Variants in SEPTIN14 observed in about 807,000 individuals in gnomAD.
SEPTIN14 encodes septin-14.
A neutral mutation model predicts 53.6 loss-of-function variants in SEPTIN14; 40 were observed. That is an observed-to-expected ratio of 0.75 (90% confidence interval 0.58 to 0.97). SEPTIN14 has a LOEUF of 0.97. SEPTIN14 is among the 50% of genes least tolerant of loss of function. SEPTIN14 has a pLI of 0.00. For synonymous variants in SEPTIN14, 138 were observed against 166.8 expected, an observed-to-expected ratio of 0.83 and a Z score of 1.33; for missense variants, 471 against 508.2, an observed-to-expected ratio of 0.93 and a Z score of 0.70.
intron 8 of SEPTIN14, among the ~76,000 whole-genome samples, chr7:55,806,139 G>T (rs748511426): frequency 6.6e-6 from 1 of 151,766 alleles, no homozygotes; most frequent in Non-Finnish European, 1.5e-5. Context: ...CTGGGATTAC[G>T]GGCACCCGCC....
intron 4 of SEPTIN14, among the ~76,000 whole-genome samples, chr7:55,843,649 C>T (rs1445254227): frequency 1.3e-5 from 2 of 152,108 alleles, no homozygotes; most frequent in South Asian, 2.1e-4. Context: ...CTGGCTAACA[C>T]GGTGAAACCC....
chr7:55,850,405 G>A (rs571265273), intron 2 of SEPTIN14, among the ~76,000 whole-genome samples: 41 of 152,228 alleles, frequency 2.7e-4, no homozygotes, highest in Admixed American at 2.6e-3. Context: ...AGGAGGCAGA[G>A]GTTGCAGTGA....
intron 2 of SEPTIN14, among the ~76,000 whole-genome samples, chr7:55,856,685 G>A (rs776102883): frequency 3.9e-5 from 6 of 152,036 alleles, no homozygotes; most frequent in Non-Finnish European, 5.9e-5. Flanking sequence ...GAGCCACCGC[G>A]CTTGGCCATG....
intron 6 of SEPTIN14, among the ~76,000 whole-genome samples, chr7:55,821,040 A>G (rs1788884801): frequency 6.6e-6 from 1 of 152,222 alleles, no homozygotes; most frequent in Non-Finnish European, 1.5e-5. Flanking sequence ...GAGTTTCATC[A>G]TCTTTATTAC....
At chr7:55,821,051 T>TGC (rs1313394636) in intron 6 of SEPTIN14, among the ~76,000 whole-genome samples, 3 of 152,222 alleles carry the variant, frequency 2.0e-5, no homozygotes, top group Admixed American at 6.5e-5. Flanking sequence ...TCTTTATTAC[T>TGC]GCCCTGATTC....
chr7:55,835,277 A>G (rs747324674), intron 5 of SEPTIN14, among the ~76,000 whole-genome samples: 5 of 151,780 alleles, frequency 3.3e-5, no homozygotes, highest in African/African-American at 4.8e-5. Flanking sequence ...ATCTTGGCTC[A>G]CTGCAAGCTC....
chr7:55,819,087 T>C, intron 7 of SEPTIN14, 40 bp downstream of exon 7: 1 of 1,109,748 alleles, frequency 9.0e-7, no homozygotes, highest in Non-Finnish European at 1.3e-6. Flanking sequence ...CACATATATT[T>C]AACTTAATCA....
intron 9 of SEPTIN14, among the ~76,000 whole-genome samples, chr7:55,803,043 T>G (rs1788548960): frequency 6.6e-6 from 1 of 151,938 alleles, no homozygotes; most frequent in South Asian, 2.1e-4. Flanking sequence ...GTTCAAGTGA[T>G]TCTCCTACCT....
At chr7:55,805,481 G>A (rs755364408) in intron 8 of SEPTIN14, 91 bp from the exon 9 acceptor site, 74 of 862,574 alleles carry the variant, frequency 8.6e-5, no homozygotes, top group Admixed American at 1.2e-4. Context: ...AATCAAAATC[G>A]TGCCACTGCA....
At chr7:55,805,213 G>A in intron 9 of SEPTIN14, 45 bp downstream of exon 9, 2 of 1,522,024 alleles carry the variant, frequency 1.3e-6, no homozygotes, top group South Asian at 1.2e-5. Context: ...AATTAATAGG[G>A]CACCTAAAAA....
chr7:55,813,710 C>T (rs1387978734), intron 7 of SEPTIN14, among the ~76,000 whole-genome samples: 1 of 152,112 alleles, frequency 6.6e-6, no homozygotes, highest in Non-Finnish European at 1.5e-5. Flanking sequence ...AGTAGCAGCT[C>T]AGCCACAGTA....
chr7:55,843,504 T>C (rs1218864833), intron 4 of SEPTIN14, among the ~76,000 whole-genome samples: 1 of 152,160 alleles, frequency 6.6e-6, no homozygotes, highest in African/African-American at 2.4e-5. Context: ...CACAATGAGA[T>C]ATCATCTTAT....
At chr7:55,830,408 G>T (rs866907433) in intron 6 of SEPTIN14, among the ~76,000 whole-genome samples, 79 of 137,238 alleles carry the variant, frequency 5.8e-4, no homozygotes, top group African/African-American at 2.0e-3. Flanking sequence ...GTGCAGTGGC[G>T]CGATCTCCGC....
At chr7:55,807,029 C>G in intron 8 of SEPTIN14, 61 bp downstream of exon 8, 2 of 1,199,150 alleles carry the variant, frequency 1.7e-6, no homozygotes, top group Non-Finnish European at 2.3e-6. Flanking sequence ...ATTATCATAC[C>G]TTGTGTTTGT....
intron 2 of SEPTIN14, among the ~76,000 whole-genome samples, chr7:55,852,841 G>GA (rs1419952016): frequency 6.6e-6 from 1 of 152,060 alleles, no homozygotes; most frequent in African/African-American, 2.4e-5. Flanking sequence ...AACTCAATAG[G>GA]AAAAAATCTA....
chr7:55,811,684 A>G (rs942957045), intron 7 of SEPTIN14, among the ~76,000 whole-genome samples: 1 of 150,230 alleles, frequency 6.7e-6, no homozygotes, highest in Admixed American at 6.7e-5. Flanking sequence ...TTTTTAGTAG[A>G]GAAGGGGTTT....
intron 7 of SEPTIN14, among the ~76,000 whole-genome samples, chr7:55,812,821 CAGAG>C (rs1562708151): frequency 6.6e-6 from 1 of 152,068 alleles, no homozygotes. Context: ...CCATACTAAA[CAGAG>C]AGAGAATCTG....
chr7:55,805,046 G>A (rs151336771), intron 9 of SEPTIN14, among the ~76,000 whole-genome samples: 1 of 151,980 alleles, frequency 6.6e-6, no homozygotes. Context: ...TATCTTCAGG[G>A]TTATTTAAAT....
chr7:55,819,309 G>T, intron 6 of SEPTIN14, 86 bp from the exon 7 acceptor site: 2 of 1,025,436 alleles, frequency 2.0e-6, no homozygotes, highest in Non-Finnish European at 2.9e-6. Flanking sequence ...AAAAATGACA[G>T]GCCAGCGCGG....
Sources: gnomAD v4.1 joint callset for allele counts (sites outside exome capture counted in the v4.1 genomes callset) on GRCh38, gnomAD v4.1.1 for gene constraint, MANE v1.5 for transcripts, NCBI Gene and HGNC (gene_info 2026-07-23, HGNC 2026-07-21) for gene names.